The following CNKSR2 variants were observed in gnomAD, a reference collection of about 807,000 sequenced individuals.
CNKSR2 encodes connector enhancer of kinase suppressor of Ras 2, also known as CNK homolog protein 2.
CNKSR2 carries 14 observed loss-of-function variants against 84.4 expected under a neutral mutation model. The observed-to-expected ratio is 0.17, with a 90% CI of 0.11 to 0.26. The LOEUF (loss-of-function observed/expected upper bound fraction) is 0.26. CNKSR2 is among the 10% of genes least tolerant of loss of function. The pLI, the probability that CNKSR2 is intolerant of heterozygous loss-of-function variation, is 1.00. For missense variants in CNKSR2, 485 were observed against 771.2 expected (o/e 0.63, Z 4.40); for synonymous variants, 275 against 277.9 (o/e 0.99, Z 0.10).
At chrX:21,602,547 A>G in intron 18 of CNKSR2, among the ~76,000 whole-genome samples, 2 of 111,902 alleles carry the variant, frequency 1.8e-5, no homozygotes, top group Non-Finnish European at 3.8e-5. Context: ...ATGTCAGCAA[A>G]TGTTTAGGCA....
Position 21,437,916 on chromosome X carries a change from AT to A in CNKSR2, c.432-2770del, listed in dbSNP as rs914075646. On this transcript the variant is annotated intron_variant, in intron 3 of 21. Transcript: ENST00000379510. ...TTTCTGCTTACAACTAAAGAGGTTA[AT>A]TTTTTTTAACTGACAATTTTGATTA... Among the ~76,000 whole-genome samples, 4 of 111,099 alleles carry A rather than the reference AT, an allele frequency of 3.6e-5. No homozygotes were observed. In the East Asian group the frequency reaches 8.5e-4, roughly 23 times the overall value.
chrX:21,562,950 G>C (rs1319618557), intron 12 of CNKSR2, among the ~76,000 whole-genome samples: 1 of 111,380 alleles, frequency 9.0e-6, no homozygotes, highest in Non-Finnish European at 1.9e-5. Flanking sequence ...TTGGTCCAAA[G>C]CTAAAACTTG....
chrX:21,627,424 G>A lies in CNKSR2; in HGVS notation c.2692+17807G>A, dbSNP rs181573933. Among the ~76,000 whole-genome samples the A allele has an allele frequency of 1.1e-3, 123 of 111,471 alleles. 4 individuals are homozygous for A. The highest frequency in any genetic ancestry group is 3.5e-3 in the African/African-American group (106 of 30,628). On this transcript the variant is annotated intron_variant, in intron 20 of 21. Transcript: ENST00000379510. Reference sequence around the variant, plus strand: ...TGAGGCAGGAGAATGGTGTGAACCCGGGAGGCGGAGCTGGCAGTGAGCCGA... The same window carrying A: ...TGAGGCAGGAGAATGGTGTGAACCCAGGAGGCGGAGCTGGCAGTGAGCCGA...
At chrX:21,462,874 C>T (rs1054041849) in intron 4 of CNKSR2, among the ~76,000 whole-genome samples, 7 of 109,399 alleles carry the variant, frequency 6.4e-5, no homozygotes, top group South Asian at 4.1e-4. Flanking sequence ...CCACCACACC[C>T]GGCTAATTTT....
intron 20 of CNKSR2, 38 bp from the exon 21 acceptor site, chrX:21,648,793 T>TG: frequency 2.5e-6 from 2 of 796,978 alleles, no homozygotes; most frequent in Non-Finnish European, 3.4e-6. Flanking sequence ...TCTCTCTCTT[T>TG]CTTTTTTTTT....
chrX:21,534,976 T>C (rs532963785), intron 11 of CNKSR2, among the ~76,000 whole-genome samples: 2 of 111,296 alleles, frequency 1.8e-5, no homozygotes, highest in Middle Eastern at 9.1e-3. Context: ...CTGAAGTATT[T>C]CCCCTGTGTA....
intron 20 of CNKSR2, among the ~76,000 whole-genome samples, chrX:21,627,421 C>A (rs1308447412): frequency 4.5e-5 from 5 of 111,264 alleles, no homozygotes; most frequent in Non-Finnish European, 9.4e-5. Context: ...ATGGTGTGAA[C>A]CCGGGAGGCG....
chrX:21,436,195 T>C (rs2090702039), intron 3 of CNKSR2, among the ~76,000 whole-genome samples: 1 of 111,648 alleles, frequency 9.0e-6, no homozygotes, highest in Non-Finnish European at 1.9e-5. Context: ...TAGCACTAAT[T>C]ATTCAAGGGA....
chrX:21,598,026 T>C lies in CNKSR2; in HGVS notation c.1976+2631T>C, dbSNP rs188914248. 5.7e-3 allele frequency among the ~76,000 whole-genome samples: 592 copies of C among 103,740 alleles called. 4 individuals carry two copies. Among genetic ancestry groups the C allele is most frequent in the Middle Eastern group, 0.02 (4 of 202 alleles). 90.1% of individuals were successfully genotyped at this position (103,740 alleles called of 115,157 possible). On this transcript the variant is annotated intron_variant, in intron 17 of 21. Coordinates refer to ENST00000379510, the MANE Select transcript of CNKSR2 (RefSeq NM_014927.5). Reference sequence around the variant, plus strand: ...TCATACACATATATATATATATATATACACACACACACACACAACAAATAT... The same window carrying C: ...TCATACACATATATATATATATATACACACACACACACACACAACAAATAT...
intron 15 of CNKSR2, chrX:21,594,404 C>T (rs963520534): frequency 8.1e-5 from 9 of 110,949 alleles, no homozygotes; most frequent in Non-Finnish European, 1.7e-4. Context: ...ATAATCTGTA[C>T]AAAAAACCCC....
At position 21,486,349 on chromosome X, in the gene CNKSR2, A is replaced by G. The variant is rs757085542; in HGVS notation, c.562-4110A>G. ...AAGAACACTTGCAAGCCTGCCTTAT[A>G]TTTTGTTATACTATGTAGTTTAAAC... is the stretch of plus-strand genomic sequence containing the variant. On this transcript the variant is annotated intron_variant, in intron 5 of 21. Transcript: ENST00000379510. Among the ~76,000 whole-genome samples the G allele has an allele frequency of 2.7e-5, 3 of 111,593 alleles. No individual in the cohort carries two copies. In the South Asian group the frequency reaches 1.1e-3, roughly 42 times the overall value.
At chrX:21,510,709 A>G (rs1055085498) in intron 8 of CNKSR2, among the ~76,000 whole-genome samples, 4 of 111,942 alleles carry the variant, frequency 3.6e-5, no homozygotes, top group African/African-American at 1.3e-4. Context: ...AGCCCCATCC[A>G]CAAGAAAGCA....
intron 5 of CNKSR2, among the ~76,000 whole-genome samples, chrX:21,480,049 T>C (rs747419009): frequency 2.7e-5 from 3 of 110,928 alleles, no homozygotes; most frequent in East Asian, 2.9e-4. Flanking sequence ...CTAGAAGCCT[T>C]CTTCTCCTTG....
chrX:21,473,817 G>C (rs2091229881), intron 5 of CNKSR2, among the ~76,000 whole-genome samples: 1 of 98,824 alleles, frequency 1.0e-5, no homozygotes, highest in African/African-American at 4.0e-5. Context: ...TGCGATCTTG[G>C]CTCACTGCAA....
chrX:21,480,378 C>T (rs1221707542), intron 5 of CNKSR2, among the ~76,000 whole-genome samples: 1 of 112,206 alleles, frequency 8.9e-6, no homozygotes, highest in East Asian at 2.8e-4. Flanking sequence ...AACTGCTTCA[C>T]TCTTGCTATT....
intron 1 of CNKSR2, among the ~76,000 whole-genome samples, chrX:21,409,230 A>T (rs1462641745): frequency 5.4e-3 from 2 of 367 alleles, no homozygotes; most frequent in Non-Finnish European, 0.012. Flanking sequence ...TGAAAAAATT[A>T]TATATATATA....
chrX:21,539,165 G>T (rs2091955092), intron 11 of CNKSR2, among the ~76,000 whole-genome samples: 1 of 112,113 alleles, frequency 8.9e-6, no homozygotes, highest in Non-Finnish European at 1.9e-5. Flanking sequence ...TGTCCCATTT[G>T]TCATGTAGAG....
chrX:21,504,751 T>G, intron 8 of CNKSR2: 1 of 294,111 alleles, frequency 3.4e-6, no homozygotes, highest in Middle Eastern at 8.9e-4. Flanking sequence ...CTGGAAGTTT[T>G]ATGTCCTTTT....
In CNKSR2 at chrX:21,473,568, G is replaced by A. The variant is rs183899693; in HGVS notation, c.561+2761G>A. On this transcript the variant is annotated intron_variant, in intron 5 of 21. Coordinates refer to ENST00000379510, the MANE Select transcript of CNKSR2 (RefSeq NM_014927.5). Reference sequence around the variant, plus strand: ...GAGCTGAATCAAGTGATGTTTTTGAGAGTTTGTTCTTATTATGTAAAATGG... The same window carrying A: ...GAGCTGAATCAAGTGATGTTTTTGAAAGTTTGTTCTTATTATGTAAAATGG... Among the ~76,000 whole-genome samples the A allele has an allele frequency of 6.3e-3, 680 of 108,254 alleles. 1 individual carries two copies. Among genetic ancestry groups the A allele is most frequent in the Non-Finnish European group, 0.011 (558 of 52,429 alleles). 94.0% of individuals were successfully genotyped at this position (108,254 alleles called of 115,157 possible). A position where few individuals can be genotyped will look rare whatever the true frequency, so the allele number is the denominator to read the frequency against.
Sources: allele counts gnomAD v4.1 joint callset (sites outside exome capture counted in the v4.1 genomes callset), GRCh38; gene constraint gnomAD v4.1.1; transcripts MANE v1.5; gene names NCBI Gene and HGNC (gene_info 2026-07-23, HGNC 2026-07-21).